Variants in ARL8B observed in about 807,000 individuals in gnomAD.
The protein encoded by ARL8B is ADP-ribosylation factor-like protein 8B.
ARL8B carries 9 observed loss-of-function variants against 30.6 expected under a neutral mutation model. The observed-to-expected ratio is 0.29, with a 90% CI of 0.18 to 0.51. ARL8B has a LOEUF of 0.51. ARL8B is among the 20% of genes least tolerant of loss of function. ARL8B has a pLI of 0.97. For synonymous variants in ARL8B, 74 were observed against 76.0 expected (o/e 0.97, Z 0.14); for missense variants, 130 against 227.2 (o/e 0.57, Z 2.75).
chr3:5,149,089 C>A (rs544954593), intron 1 of ARL8B, among the ~76,000 whole-genome samples: 1 of 152,228 alleles, frequency 6.6e-6, no homozygotes, highest in Admixed American at 6.5e-5. Context: ...GGACTCCGCA[C>A]TTGCTTCATA....
chr3:5,163,848 C>T (rs549870426), intron 1 of ARL8B, among the ~76,000 whole-genome samples: 13 of 152,042 alleles, frequency 8.6e-5, no homozygotes, highest in African/African-American at 2.2e-4. Flanking sequence ...TCATCCTGGG[C>T]GACAGGAGCA....
rs191214231 is a variant in ARL8B at position 5,154,952 on chromosome 3, C to T, written c.124-15551C>T. On this transcript the variant is annotated intron_variant, in intron 1 of 6. Coordinates refer to ENST00000256496, the MANE Select transcript of ARL8B (RefSeq NM_018184.3). Reference sequence around the variant, plus strand: ...TTTTCACTATGTTGGCCAGGCTGGTCTCGAACTCCTGACCTCAAGTGATCC... The same window carrying T: ...TTTTCACTATGTTGGCCAGGCTGGTTTCGAACTCCTGACCTCAAGTGATCC... Among the ~76,000 whole-genome samples, 69 of 152,250 alleles carry T rather than the reference C, an allele frequency of 4.5e-4. No individual in the cohort carries two copies. In the East Asian group the frequency reaches 0.012, roughly 27 times the overall value.
At chr3:5,175,824 CT>C (rs1324744556) in intron 6 of ARL8B, among the ~76,000 whole-genome samples, 3 of 152,168 alleles carry the variant, frequency 2.0e-5, no homozygotes, top group African/African-American at 7.2e-5. Flanking sequence ...TGCTTCTCCC[CT>C]GTAGTTGTCT....
intron 6 of ARL8B, 59 bp downstream of exon 6, chr3:5,174,473 T>C (rs2054707521): frequency 1.8e-6 from 2 of 1,083,570 alleles, no homozygotes; most frequent in Admixed American, 1.8e-5. Context: ...ATGTCTATGC[T>C]TCTTACAGCT....
intron 1 of ARL8B, among the ~76,000 whole-genome samples, chr3:5,159,224 CG>C (rs1206552664): frequency 7.2e-6 from 1 of 138,376 alleles, no homozygotes; most frequent in African/African-American, 2.8e-5. Flanking sequence ...CCCCCGAGCC[CG>C]GGAGGTTGAG....
At chr3:5,167,369 C>T (rs1339901580) in intron 1 of ARL8B, among the ~76,000 whole-genome samples, 1 of 152,156 alleles carries the variant, frequency 6.6e-6, no homozygotes, top group Non-Finnish European at 1.5e-5. Context: ...ATAATAATGA[C>T]TCTAAAGCAG....
intron 1 of ARL8B, among the ~76,000 whole-genome samples, chr3:5,156,663 G>T (rs1347520150): frequency 1.3e-5 from 2 of 152,064 alleles, no homozygotes; most frequent in African/African-American, 4.8e-5. Flanking sequence ...TGATCCACCC[G>T]CCTTGGCCTC....
intron 1 of ARL8B, among the ~76,000 whole-genome samples, chr3:5,140,958 A>G (rs2054368320): frequency 6.6e-6 from 1 of 152,184 alleles, no homozygotes; most frequent in Non-Finnish European, 1.5e-5. Context: ...GACAGTTACA[A>G]CAGGTAATTT....
At chr3:5,167,099 T>C (rs1243544634) in intron 1 of ARL8B, among the ~76,000 whole-genome samples, 1 of 152,160 alleles carries the variant, frequency 6.6e-6, no homozygotes, top group African/African-American at 2.4e-5. Context: ...TTCCCTGACT[T>C]TGAGAATAAT....
intron 1 of ARL8B, chr3:5,128,440 T>C (rs911959177): frequency 2.2e-6 from 1 of 454,090 alleles, no homozygotes. Context: ...CCCGCTCCAA[T>C]TATTTGTTTT....
In ARL8B at chr3:5,174,423, T is replaced by C. The variant is rs2054706430; in HGVS notation, c.511+9T>C. ...AGAAAAGGATAATATAGGTAAGAAA[T>C]GACTGGTAATTTTGGAAGAAATGGG... On this transcript the variant is annotated intron_variant, in intron 6 of 6. Transcript: ENST00000256496. 2 of 1,566,010 alleles carry C rather than the reference T, an allele frequency of 1.3e-6. No individual in the cohort carries two copies. The highest frequency in any genetic ancestry group is 1.8e-6 in the Non-Finnish European group (2 of 1,137,616).
chr3:5,125,481 A>G (rs977233861), intron 1 of ARL8B, among the ~76,000 whole-genome samples: 2 of 151,220 alleles, frequency 1.3e-5, no homozygotes, highest in Non-Finnish European at 2.9e-5. Context: ...TTTAACAACA[A>G]CAAAACTTCT....
chr3:5,148,733 G>A (rs565060233), intron 1 of ARL8B, among the ~76,000 whole-genome samples: 6 of 152,144 alleles, frequency 3.9e-5, no homozygotes, highest in Non-Finnish European at 8.8e-5. Context: ...GCCAAACTTA[G>A]GCCAAAAAAG....
intron 1 of ARL8B, among the ~76,000 whole-genome samples, chr3:5,125,870 T>C (rs1183248706): frequency 6.6e-6 from 1 of 152,104 alleles, no homozygotes; most frequent in African/African-American, 2.4e-5. Flanking sequence ...AAAATTGTAA[T>C]GGTGTGGGTA....
chr3:5,167,999 A>G (rs2054638936), intron 1 of ARL8B, among the ~76,000 whole-genome samples: 3 of 152,244 alleles, frequency 2.0e-5, no homozygotes, highest in Admixed American at 6.5e-5. Context: ...CACAAAATTC[A>G]TGCATCAAAG....
At chr3:5,164,743 T>C (rs1229974787) in intron 1 of ARL8B, among the ~76,000 whole-genome samples, 3 of 152,222 alleles carry the variant, frequency 2.0e-5, no homozygotes, top group Non-Finnish European at 2.9e-5. Flanking sequence ...ATATCATTTG[T>C]TGCCATTTTT....
At chr3:5,170,946 C>T (rs112053422) in intron 2 of ARL8B, 22 of 163,032 alleles carry the variant, frequency 1.3e-4, no homozygotes, top group Non-Finnish European at 2.4e-4. Context: ...TGGTTAGGCT[C>T]GTCTCAACTC....
intron 1 of ARL8B, among the ~76,000 whole-genome samples, chr3:5,142,818 T>C (rs141561200): frequency 1.1e-3 from 173 of 152,354 alleles, no homozygotes; most frequent in African/African-American, 4.0e-3. Context: ...CGTATATACC[T>C]GAGACACTAC....
Position 5,174,395 on chromosome 3 carries a change from CAAAGA to C in ARL8B, c.497_501del (p.Glu166GlyfsTer2). 6.2e-7 allele frequency: 1 copy of C among 1,603,414 alleles called. No individual in the cohort carries two copies. Among genetic ancestry groups the C allele is most frequent in the Non-Finnish European group, 8.5e-7 (1 of 1,170,898 alleles). On this transcript the variant is annotated frameshift_variant, in exon 6 of 7. Coordinates refer to ENST00000256496, the MANE Select transcript of ARL8B (RefSeq NM_018184.3). LOFTEE classifies it high-confidence loss of function. ...AAATTTGCTGCTATTCAATTTCTTG[CAAAGA>C]AAAGGATAATATAGGTAAGAAATGA...
Sources: gnomAD v4.1 joint callset for allele counts (sites outside exome capture counted in the v4.1 genomes callset) on GRCh38, gnomAD v4.1.1 for gene constraint, MANE v1.5 for transcripts, NCBI Gene and HGNC (gene_info 2026-07-23, HGNC 2026-07-21) for gene names.